Variants in ARMC2 observed in about 807,000 individuals in gnomAD.
The protein encoded by ARMC2 is armadillo repeat-containing protein 2.
A neutral mutation model predicts 90.3 loss-of-function variants in ARMC2; 67 were observed. The ratio of observed to expected loss-of-function variants is 0.74; its 90% confidence interval spans 0.61 to 0.91. The LOEUF (loss-of-function observed/expected upper bound fraction) is 0.91, where lower values mean the gene tolerates loss of function less well. Ranked by LOEUF, ARMC2 falls within the 40% of genes least tolerant of loss-of-function variation. The probability of loss-of-function intolerance (pLI) is 0.00; values close to 1 mark genes in which losing one functional copy is unlikely to be tolerated. For synonymous variants in ARMC2, 393 were observed against 393.0 expected (o/e 1.00, Z 0.00); for missense variants, 920 against 1,030.9 (o/e 0.89, Z 1.47).
rs73514375 is a variant in ARMC2 at position 108,963,658 on chromosome 6, C to T, written c.2153-522C>T. Among the ~76,000 whole-genome samples, 672 of 152,304 alleles carry T rather than the reference C, an allele frequency of 4.4e-3. 7 individuals are homozygous for T. The highest frequency in any genetic ancestry group is 0.015 in the African/African-American group (629 of 41,560). On this transcript the variant is annotated intron_variant, in intron 15 of 17. Coordinates refer to ENST00000392644, the MANE Select transcript of ARMC2 (RefSeq NM_032131.6). ...CTAGGAGTAAGGGAAAATGATTCTC[C>T]TGAGGCAGGAGCCTGTCCTGCCTTG...
At chr6:108,987,781 A>G in the ARMC2 span, 1 of 442,864 alleles carries the variant, frequency 2.3e-6, no homozygotes, top group East Asian at 3.6e-5. Flanking sequence ...TGAACAGATT[A>G]TAAATTTCTC....
the ARMC2 span, among the ~76,000 whole-genome samples, chr6:109,032,340 T>C: frequency 1.3e-5 from 2 of 152,124 alleles, no homozygotes; most frequent in Admixed American, 6.5e-5. Flanking sequence ...AAGGTAAGGC[T>C]GGGCGCAGTG....
At chr6:108,879,596 A>G (rs1377569811) in intron 5 of ARMC2, among the ~76,000 whole-genome samples, 1 of 131,872 alleles carries the variant, frequency 7.6e-6, no homozygotes, top group South Asian at 2.4e-4. Context: ...CTGTTCGTCC[A>G]TCCATCCATC....
the ARMC2 span, among the ~76,000 whole-genome samples, chr6:109,045,333 T>C: frequency 6.6e-6 from 1 of 152,162 alleles, no homozygotes; most frequent in South Asian, 2.1e-4. Flanking sequence ...CTCAATGCCT[T>C]TGCCACCTTC....
intron 17 of ARMC2, among the ~76,000 whole-genome samples, chr6:108,967,612 C>T (rs1309109384): frequency 2.6e-5 from 4 of 152,244 alleles, no homozygotes; most frequent in African/African-American, 9.6e-5. Context: ...TTCACCTACA[C>T]ACATCTTCCT....
At chr6:108,937,839 C>T (rs965274654) in intron 12 of ARMC2, among the ~76,000 whole-genome samples, 13 of 152,018 alleles carry the variant, frequency 8.6e-5, no homozygotes, top group South Asian at 2.1e-4. Context: ...GGACTACAGG[C>T]GTGCCACCAC....
intron 5 of ARMC2, among the ~76,000 whole-genome samples, chr6:108,877,348 G>A (rs1463254559): frequency 2.0e-5 from 3 of 152,182 alleles, no homozygotes; most frequent in African/African-American, 4.8e-5. Flanking sequence ...TAGCTGAACC[G>A]ACCTTGTCTG....
At chr6:108,976,888 TAAG>T (rs1778993033), downstream of ARMC2, among the ~76,000 whole-genome samples, 1 of 152,248 alleles carries the variant, frequency 6.6e-6, no homozygotes, top group African/African-American at 2.4e-5. Flanking sequence ...CTCATCAGCT[TAAG>T]AAGATTTTGG....
the ARMC2 span, chr6:109,000,411 C>T: frequency 1.8e-6 from 2 of 1,107,890 alleles, no homozygotes; most frequent in Non-Finnish European, 2.4e-6. Context: ...TCTGTACTTT[C>T]TGTGCGATTT....
At chr6:109,037,483 A>G in the ARMC2 span, among the ~76,000 whole-genome samples, 1 of 152,216 alleles carries the variant, frequency 6.6e-6, no homozygotes, top group African/African-American at 2.4e-5. Flanking sequence ...CCTCCATTAC[A>G]CAATGCAATT....
At chr6:109,050,451 G>T in the ARMC2 span, among the ~76,000 whole-genome samples, 1 of 150,688 alleles carries the variant, frequency 6.6e-6, no homozygotes, top group Non-Finnish European at 1.5e-5. Flanking sequence ...TCTTGCAAAG[G>T]AGACAGTATG....
Position 108,861,043 on chromosome 6 carries a change from C to T in ARMC2, c.291+2772C>T, listed in dbSNP as rs12111057. ...CAATTAAGGAAGACCCTCTGTTTTA[C>T]CTTCTTTAGAGAATAAACCCATCTT... is the stretch of plus-strand genomic sequence containing the variant. On this transcript the variant is annotated intron_variant, in intron 3 of 17. Coordinates refer to ENST00000392644, the MANE Select transcript of ARMC2 (RefSeq NM_032131.6). Among the ~76,000 whole-genome samples, 671 of 152,294 alleles carry T rather than the reference C, an allele frequency of 4.4e-3. 2 individuals are homozygous for T. Among genetic ancestry groups the T allele is most frequent in the African/African-American group, 0.016 (649 of 41,560 alleles).
chr6:108,941,752 C>G (rs1350891350), intron 12 of ARMC2, among the ~76,000 whole-genome samples: 1 of 152,168 alleles, frequency 6.6e-6, no homozygotes, highest in South Asian at 2.1e-4. Context: ...TATCGGCCCC[C>G]TCATTAATGA....
chr6:109,001,146 T>C, the ARMC2 span: 2 of 731,044 alleles, frequency 2.7e-6, no homozygotes, highest in Admixed American at 3.1e-5. Context: ...TATTTAAAAA[T>C]AGGAAAAACA....
intron 12 of ARMC2, among the ~76,000 whole-genome samples, chr6:108,951,830 G>A (rs746471420): frequency 3.9e-5 from 6 of 152,202 alleles, no homozygotes; most frequent in East Asian, 1.9e-4. Flanking sequence ...ACAAAGTCAC[G>A]TTTATGGTCG....
the ARMC2 span, among the ~76,000 whole-genome samples, chr6:109,040,899 G>A: frequency 1.9e-3 from 287 of 151,998 alleles, 1 homozygote; most frequent in Non-Finnish European, 3.4e-3. Flanking sequence ...TGATCTGCCC[G>A]CCTCAGCCTC....
chr6:108,962,859 C>G (rs1778095270), intron 15 of ARMC2, among the ~76,000 whole-genome samples: 1 of 152,026 alleles, frequency 6.6e-6, no homozygotes, highest in African/African-American at 2.4e-5. Flanking sequence ...TAAAATTAGC[C>G]AGACGTGGTG....
intron 5 of ARMC2, among the ~76,000 whole-genome samples, chr6:108,893,724 C>T (rs112936910): frequency 6.6e-5 from 10 of 152,184 alleles, no homozygotes; most frequent in African/African-American, 2.4e-4. Context: ...TAAATTAAAG[C>T]AGCATATAGA....
At chr6:108,903,674 A>T (rs1003975209) in intron 7 of ARMC2, among the ~76,000 whole-genome samples, 10 of 152,358 alleles carry the variant, frequency 6.6e-5, no homozygotes, top group African/African-American at 2.4e-4. Context: ...GGCACTGGTC[A>T]TATAACACAA....
Sources: gnomAD v4.1 joint callset for allele counts (sites outside exome capture counted in the v4.1 genomes callset) on GRCh38, gnomAD v4.1.1 for gene constraint, MANE v1.5 for transcripts, NCBI Gene and HGNC (gene_info 2026-07-23, HGNC 2026-07-21) for gene names.